Variants in SH3GL2 observed in about 807,000 individuals in gnomAD.
SH3GL2 encodes the protein SH3 domain containing GRB2 like 2, endophilin A1, also known as endophilin-A1.
Under a neutral mutation model 46.0 loss-of-function variants are expected in SH3GL2, and 24 were observed. That is an observed-to-expected ratio of 0.52 (90% CI 0.38 to 0.73). SH3GL2 has a LOEUF of 0.73. Among genes scored for constraint, SH3GL2 ranks in the 30% least tolerant of loss-of-function variants. SH3GL2 has a pLI of 0.00. For synonymous variants in SH3GL2, 196 were observed against 147.1 expected (o/e 1.33, Z -2.40); for missense variants, 413 against 424.2 (o/e 0.97, Z 0.23).
At chr9:17,622,840 A>AC (rs1477104141) in intron 1 of SH3GL2, among the ~76,000 whole-genome samples, 1 of 151,984 alleles carries the variant, frequency 6.6e-6, no homozygotes, top group East Asian at 1.9e-4. Flanking sequence ...GGGCATGAAA[A>AC]CCAAGACTCA....
intron 1 of SH3GL2, among the ~76,000 whole-genome samples, chr9:17,727,548 C>G (rs546096908): frequency 1.3e-5 from 2 of 152,296 alleles, no homozygotes; most frequent in East Asian, 3.9e-4. Flanking sequence ...CTGAAGGCCA[C>G]CTCTGACTTT....
chr9:17,732,102 C>G (rs1051114469), intron 1 of SH3GL2, among the ~76,000 whole-genome samples: 1 of 152,136 alleles, frequency 6.6e-6, no homozygotes, highest in South Asian at 2.1e-4. Flanking sequence ...TAGGCCAACT[C>G]ACTTTCACTC....
chr9:17,697,274 A>T (rs947051758), intron 1 of SH3GL2, among the ~76,000 whole-genome samples: 48 of 150,634 alleles, frequency 3.2e-4, no homozygotes, highest in African/African-American at 1.2e-3. Context: ...CCCAGGCTGG[A>T]GTGCAGTGAC....
intron 2 of SH3GL2, among the ~76,000 whole-genome samples, chr9:17,752,540 C>G (rs186358088): frequency 5.9e-5 from 9 of 151,330 alleles, no homozygotes; most frequent in African/African-American, 2.2e-4. Context: ...CTCTATTGTC[C>G]AGGCTGGAGT....
chr9:17,795,372 A>G (rs1418772562), intron 8 of SH3GL2, among the ~76,000 whole-genome samples, 172 bp from the exon 9 acceptor site: 1 of 152,246 alleles, frequency 6.6e-6, no homozygotes, highest in African/African-American at 2.4e-5. Context: ...CAAGATGCCC[A>G]GTGCAGTGGA....
At chr9:17,675,116 AT>A (rs1820574870) in intron 1 of SH3GL2, among the ~76,000 whole-genome samples, 1 of 152,102 alleles carries the variant, frequency 6.6e-6, no homozygotes, top group South Asian at 2.1e-4. Flanking sequence ...TTGTTGTGGT[AT>A]TTCTTTGTGG....
intron 1 of SH3GL2, among the ~76,000 whole-genome samples, chr9:17,704,826 A>C (rs920604171): frequency 6.6e-6 from 1 of 152,120 alleles, no homozygotes; most frequent in Non-Finnish European, 1.5e-5. Context: ...AAAACTGTAA[A>C]AATCCTGGAA....
intron 1 of SH3GL2, among the ~76,000 whole-genome samples, chr9:17,639,309 A>G (rs1471949831): frequency 2.6e-5 from 4 of 152,234 alleles, no homozygotes; most frequent in African/African-American, 9.6e-5. Flanking sequence ...GCAAAAATCT[A>G]ATGAAATGTG....
chr9:17,788,425 C>A (rs1055888162), intron 5 of SH3GL2, among the ~76,000 whole-genome samples: 1 of 152,040 alleles, frequency 6.6e-6, no homozygotes, highest in African/African-American at 2.4e-5. Flanking sequence ...TATTATTCTT[C>A]CTCCTTTCCT....
intron 1 of SH3GL2, among the ~76,000 whole-genome samples, chr9:17,623,627 A>G (rs1326296439): frequency 6.6e-6 from 1 of 152,020 alleles, no homozygotes; most frequent in Non-Finnish European, 1.5e-5. Context: ...AAATTTACAG[A>G]AAAAAATTAC....
At chr9:17,730,274 A>T (rs1255652254) in intron 1 of SH3GL2, among the ~76,000 whole-genome samples, 1 of 151,976 alleles carries the variant, frequency 6.6e-6, no homozygotes, top group Admixed American at 6.6e-5. Flanking sequence ...TTATTGGTGT[A>T]TGGGAATGTT....
chr9:17,781,919 C>T (rs1221746064), intron 3 of SH3GL2, among the ~76,000 whole-genome samples: 2 of 152,062 alleles, frequency 1.3e-5, no homozygotes, highest in Non-Finnish European at 2.9e-5. Context: ...TACAGCCTCA[C>T]CCACACTCTG....
intron 1 of SH3GL2, among the ~76,000 whole-genome samples, chr9:17,670,944 C>T (rs1021303922): frequency 3.3e-5 from 5 of 152,162 alleles, no homozygotes; most frequent in Non-Finnish European, 7.3e-5. Flanking sequence ...TGACTATTTG[C>T]ATTTCTGAAG....
chr9:17,725,069 G>A (rs1405057163), intron 1 of SH3GL2, among the ~76,000 whole-genome samples: 2 of 151,654 alleles, frequency 1.3e-5, no homozygotes, highest in East Asian at 1.9e-4. Flanking sequence ...ATAGGTGAAT[G>A]AGATTTTATT....
intron 1 of SH3GL2, among the ~76,000 whole-genome samples, chr9:17,739,653 A>G (rs893518439): frequency 6.6e-6 from 1 of 152,136 alleles, no homozygotes; most frequent in Non-Finnish European, 1.5e-5. Context: ...TATATACTCA[A>G]AACATTTTCT....
chr9:17,603,712 T>A (rs2134567405), intron 1 of SH3GL2, among the ~76,000 whole-genome samples: 1 of 151,970 alleles, frequency 6.6e-6, no homozygotes, highest in Non-Finnish European at 1.5e-5. Flanking sequence ...AATACAAAAT[T>A]AGCCGAGTGT....
chr9:17,772,533 T>A (rs1218209093), intron 3 of SH3GL2, among the ~76,000 whole-genome samples: 1 of 152,224 alleles, frequency 6.6e-6, no homozygotes, highest in Admixed American at 6.5e-5. Context: ...ACCACCATTC[T>A]ACTTTCTGGC....
intron 2 of SH3GL2, 123 bp from the exon 3 acceptor site, chr9:17,761,314 C>T: frequency 1.5e-6 from 1 of 687,036 alleles, no homozygotes; most frequent in Non-Finnish European, 2.7e-6. Flanking sequence ...GCCTCCCTCA[C>T]CTACTGCGGG....
intron 1 of SH3GL2, among the ~76,000 whole-genome samples, chr9:17,725,014 C>T (rs763052105): frequency 6.6e-6 from 1 of 152,068 alleles, no homozygotes; most frequent in Non-Finnish European, 1.5e-5. Flanking sequence ...CCATTCTCTC[C>T]TGAGAGGGTG....
Sources: allele counts gnomAD v4.1 joint callset (sites outside exome capture counted in the v4.1 genomes callset), GRCh38; gene constraint gnomAD v4.1.1; transcripts MANE v1.5; gene names NCBI Gene and HGNC (gene_info 2026-07-23, HGNC 2026-07-21).